The following FSIP1 variants were observed in gnomAD, a reference collection of about 807,000 sequenced individuals.
FSIP1 encodes fibrous sheath-interacting protein 1.
In FSIP1, 65 loss-of-function variants were observed where a neutral mutation model predicts 60.9. That is an observed-to-expected ratio of 1.07 (90% confidence interval 0.87 to 1.31). The LOEUF is 1.31. Ranked by LOEUF, FSIP1 falls within the 40% of genes most tolerant of loss-of-function variation. The probability of loss-of-function intolerance (pLI) is 0.00; values close to 1 mark genes in which losing one functional copy is unlikely to be tolerated. For synonymous variants in FSIP1, 209 were observed against 221.2 expected, an observed-to-expected ratio of 0.94 and a Z score of 0.49; for missense variants, 675 against 665.5, an observed-to-expected ratio of 1.01 and a Z score of -0.16.
At chr15:39,737,635 T>C (rs1424752481) in intron 8 of FSIP1, among the ~76,000 whole-genome samples, 1 of 152,144 alleles carries the variant, frequency 6.6e-6, no homozygotes, top group African/African-American at 2.4e-5. Context: ...AAAACCTCAA[T>C]AAAAATAATT....
chr15:39,756,071 T>C (rs1308931817), intron 5 of FSIP1, among the ~76,000 whole-genome samples: 1 of 152,134 alleles, frequency 6.6e-6, no homozygotes, highest in East Asian at 1.9e-4. Flanking sequence ...AAGTACAATA[T>C]TGTTTACTTC....
In FSIP1 at chr15:39,687,808, G is replaced by A. The variant is rs373802363; in HGVS notation, c.1188+25636C>T. Among the ~76,000 whole-genome samples, 13 of 152,178 alleles carry A rather than the reference G, an allele frequency of 8.5e-5. No homozygotes were observed. The East Asian group carries it at 1.7e-3, about 20-fold the overall frequency. On this transcript the variant is annotated intron_variant, in intron 10 of 11. Transcript: ENST00000350221. ...TAAGCCTCTTCTCTAACTGTGGAAAGACTTTACCTCTACCTAACACAGGAG... is the reference window on the plus strand; with the variant it reads ...TAAGCCTCTTCTCTAACTGTGGAAAAACTTTACCTCTACCTAACACAGGAG...
Position 39,600,762 on chromosome 15 carries a change from G to T in FSIP1, c.*118C>A. On this transcript the variant is annotated 3_prime_UTR_variant, in exon 12 of 12. Transcript: ENST00000350221. ...TAATCCACAAAGAGCGACTCCAAAT[G>T]TCAAAATCAATAAAGAATAGTCTCT... 2.8e-6 allele frequency: 2 copies of T among 717,658 alleles called. No homozygotes were observed. The highest frequency in any genetic ancestry group is 4.5e-6 in the Non-Finnish European group (2 of 442,726). 44.5% of individuals were successfully genotyped at this position (717,658 alleles called of 1,614,324 possible). A position where few individuals can be genotyped will look rare whatever the true frequency, so the allele number is the denominator to read the frequency against.
chr15:39,627,655 G>A (rs919636804), intron 10 of FSIP1, among the ~76,000 whole-genome samples: 1 of 151,766 alleles, frequency 6.6e-6, no homozygotes, highest in African/African-American at 2.4e-5. Context: ...CTCTGCATGT[G>A]TCCCACAAGT....
chr15:39,715,312 T>A (rs1225958046), intron 9 of FSIP1, among the ~76,000 whole-genome samples: 9 of 152,088 alleles, frequency 5.9e-5, no homozygotes, highest in Non-Finnish European at 1.0e-4. Context: ...TTCCATAATA[T>A]TCCCTGACAT....
intron 10 of FSIP1, among the ~76,000 whole-genome samples, chr15:39,656,866 G>A (rs1206623246): frequency 6.6e-6 from 1 of 152,214 alleles, no homozygotes; most frequent in East Asian, 1.9e-4. Flanking sequence ...AGGATCATGT[G>A]TGCCTCCATT....
intron 10 of FSIP1, among the ~76,000 whole-genome samples, chr15:39,693,193 A>G (rs1894675125): frequency 2.0e-5 from 3 of 152,220 alleles, no homozygotes; most frequent in Non-Finnish European, 4.4e-5. Context: ...GACAGCAATT[A>G]TTTAACACAT....
chr15:39,766,994 G>C (rs775333388), intron 3 of FSIP1, among the ~76,000 whole-genome samples: 7 of 152,062 alleles, frequency 4.6e-5, no homozygotes, highest in Non-Finnish European at 5.9e-5. Context: ...ACAGGTGCAT[G>C]TCACCATACC....
At chr15:39,650,462 T>C (rs1395341084) in intron 10 of FSIP1, among the ~76,000 whole-genome samples, 1 of 152,224 alleles carries the variant, frequency 6.6e-6, no homozygotes, top group East Asian at 1.9e-4. Context: ...TCCTCCCTTA[T>C]GACTAAAAGT....
intron 3 of FSIP1, among the ~76,000 whole-genome samples, chr15:39,768,752 T>A (rs1028049131): frequency 6.6e-6 from 1 of 152,200 alleles, no homozygotes; most frequent in Admixed American, 6.5e-5. Flanking sequence ...CACCAAAACT[T>A]AACAGGGGTG....
chr15:39,617,947 G>C lies in FSIP1; in HGVS notation c.1487C>G (p.Ala496Gly). 6.2e-7 allele frequency: 1 copy of C among 1,614,170 alleles called. No individual in the cohort carries two copies. The highest frequency in any genetic ancestry group is 1.1e-5 in the South Asian group (1 of 91,088). ...CATATTCTCTGCTTCAGTGACAAGA[G>C]CTTCTGACATGTTATGTCCAGTCAA... is the stretch of plus-strand genomic sequence containing the variant. ...KALTGHNMSE[A>G]LVTEAENMKC... Residue 496 changes from alanine (A) to glycine (G), a missense_variant, in exon 11 of 12, where the codon GCT becomes GGT. Ala to Gly is a moderately conservative substitution (Grantham distance 60). Coordinates refer to ENST00000350221, the MANE Select transcript of FSIP1 (RefSeq NM_152597.5).
intron 10 of FSIP1, among the ~76,000 whole-genome samples, chr15:39,630,838 GCC>G (rs1891853752): frequency 6.6e-6 from 1 of 152,164 alleles, no homozygotes; most frequent in African/African-American, 2.4e-5. Context: ...ACCATAACAT[GCC>G]CCCTCCACAC....
chr15:39,629,721 AT>A (rs1247228667), intron 10 of FSIP1, among the ~76,000 whole-genome samples: 6 of 152,238 alleles, frequency 3.9e-5, no homozygotes, highest in Admixed American at 3.9e-4. Context: ...ACAAACTCAC[AT>A]TTTATAGGAG....
At chr15:39,669,141 C>T (rs183706549) in intron 10 of FSIP1, among the ~76,000 whole-genome samples, 2 of 152,262 alleles carry the variant, frequency 1.3e-5, no homozygotes, top group East Asian at 3.9e-4. Flanking sequence ...TTAGGGCCAG[C>T]CTCAGCTGCA....
Position 39,741,843 on chromosome 15 carries a change from G to A in FSIP1, c.617C>T (p.Pro206Leu), listed in dbSNP as rs1896812678. The A allele has an allele frequency of 6.2e-7, 1 of 1,604,482 alleles. No individual in the cohort carries two copies. Among genetic ancestry groups the A allele is most frequent in the Admixed American group, 1.7e-5 (1 of 59,984 alleles). ...CTGCATCTGCATTTCATATTCTTCT[G>A]GAGGGATTTGAGTATGAAACACTGA... ...FSSVFHTQIP[P>L]EEYEMQMQKL... The change falls in exon 6 of 12, where the codon CCA becomes CTA. Residue 206 changes from proline to leucine, a missense_variant. Physicochemically the swap from Pro to Leu is moderately conservative, Grantham distance 98. Transcript: ENST00000350221.
At chr15:39,732,682 T>A (rs993746708) in intron 8 of FSIP1, among the ~76,000 whole-genome samples, 3 of 151,698 alleles carry the variant, frequency 2.0e-5, no homozygotes, top group Middle Eastern at 3.4e-3. Context: ...GAACAAGAGT[T>A]CAGGGGAATT....
At position 39,600,816 on chromosome 15, in the gene FSIP1, C is replaced by A; in HGVS notation, c.*64G>T. 1 of 1,314,272 alleles carries A rather than the reference C, an allele frequency of 7.6e-7. No homozygotes were observed. The highest frequency in any genetic ancestry group is 1.1e-6 in the Non-Finnish European group (1 of 928,946). 81.4% of individuals were successfully genotyped at this position (1,314,272 alleles called of 1,614,324 possible). On this transcript the variant is annotated 3_prime_UTR_variant, in exon 12 of 12. Transcript: ENST00000350221. ...GTGCATTCATTGAATTCAAATAATTCAATAAGAAATTTAATTTAACTTCAT... is the reference window on the plus strand; with the variant it reads ...GTGCATTCATTGAATTCAAATAATTAAATAAGAAATTTAATTTAACTTCAT...
chr15:39,764,351 C>A (rs1897608666), intron 4 of FSIP1, among the ~76,000 whole-genome samples: 1 of 152,152 alleles, frequency 6.6e-6, no homozygotes, highest in Non-Finnish European at 1.5e-5. Context: ...GCTAAAATTT[C>A]CAGAAACGAT....
At chr15:39,638,783 A>G (rs1362285639) in intron 10 of FSIP1, among the ~76,000 whole-genome samples, 1 of 151,228 alleles carries the variant, frequency 6.6e-6, no homozygotes, top group Non-Finnish European at 1.5e-5. Flanking sequence ...CTATTTTCCT[A>G]TTTCATGCAC....
Sources: gnomAD v4.1 joint callset for allele counts (sites outside exome capture counted in the v4.1 genomes callset) on GRCh38, gnomAD v4.1.1 for gene constraint, MANE v1.5 for transcripts, NCBI Gene and HGNC (gene_info 2026-07-23, HGNC 2026-07-21) for gene names.